The following SH3RF1 variants were observed in gnomAD, a reference collection of about 807,000 sequenced individuals.
SH3RF1 encodes E3 ubiquitin-protein ligase SH3RF1.
SH3RF1 carries 32 observed loss-of-function variants against 74.0 expected under a neutral mutation model. That is an observed-to-expected ratio of 0.43 (90% CI 0.33 to 0.58). The LOEUF is 0.58. Ranked by LOEUF, SH3RF1 falls within the 20% of genes least tolerant of loss-of-function variation. The pLI is 0.05. For missense variants in SH3RF1, 954 were observed against 1,130.9 expected, an observed-to-expected ratio of 0.84 and a Z score of 2.24; for synonymous variants, 396 against 439.6, an observed-to-expected ratio of 0.90 and a Z score of 1.24.
intron 2 of SH3RF1, among the ~76,000 whole-genome samples, chr4:169,172,088 G>C (rs1350013783): frequency 6.6e-6 from 1 of 152,196 alleles, no homozygotes; most frequent in African/African-American, 2.4e-5. Flanking sequence ...AGGAAGGTGG[G>C]AGGTAGAAGT....
intron 2 of SH3RF1, among the ~76,000 whole-genome samples, chr4:169,235,851 T>C (rs1272963486): frequency 6.6e-6 from 1 of 152,086 alleles, no homozygotes; most frequent in East Asian, 1.9e-4. Flanking sequence ...TGGCTACTTT[T>C]TGTGTTTTTA....
chr4:169,142,144 T>G (rs1265442836), intron 4 of SH3RF1, among the ~76,000 whole-genome samples: 1 of 151,704 alleles, frequency 6.6e-6, no homozygotes, highest in South Asian at 2.1e-4. Context: ...TTAGTAGAGA[T>G]GGGGTTTCAC....
At chr4:169,226,976 G>A (rs767045761) in intron 2 of SH3RF1, among the ~76,000 whole-genome samples, 6 of 152,060 alleles carry the variant, frequency 3.9e-5, no homozygotes, top group Non-Finnish European at 7.4e-5. Flanking sequence ...AGACCACCCT[G>A]GTCAACATAA....
chr4:169,105,269 C>T (rs1190559571), intron 11 of SH3RF1, among the ~76,000 whole-genome samples: 1 of 152,092 alleles, frequency 6.6e-6, no homozygotes, highest in Admixed American at 6.5e-5. Context: ...AAGACAAATA[C>T]TATATATTTA....
At chr4:169,179,971 G>A (rs1284302319) in intron 2 of SH3RF1, among the ~76,000 whole-genome samples, 1 of 152,142 alleles carries the variant, frequency 6.6e-6, no homozygotes, top group Non-Finnish European at 1.5e-5. Context: ...AAGCTTTCTT[G>A]GAGGAAGGTG....
At chr4:169,156,703 A>G in intron 2 of SH3RF1, 24 bp from the exon 3 acceptor site, 1 of 1,544,950 alleles carries the variant, frequency 6.5e-7, no homozygotes, top group Non-Finnish European at 8.7e-7. Context: ...AGAGGGATGA[A>G]TTTTAATAAA....
intron 4 of SH3RF1, among the ~76,000 whole-genome samples, chr4:169,145,003 AACG>A (rs1014041101): frequency 1.8e-4 from 27 of 152,144 alleles, no homozygotes; most frequent in African/African-American, 6.3e-4. Flanking sequence ...CCATCCAACC[AACG>A]ACCCAGAAAT....
intron 2 of SH3RF1, among the ~76,000 whole-genome samples, chr4:169,179,036 A>T (rs542738773): frequency 6.6e-6 from 1 of 152,284 alleles, no homozygotes; most frequent in South Asian, 2.1e-4. Context: ...ACCACACCCC[A>T]ATCCCTGAAC....
At chr4:169,253,382 A>G (rs1169343512) in intron 2 of SH3RF1, among the ~76,000 whole-genome samples, 1 of 152,218 alleles carries the variant, frequency 6.6e-6, no homozygotes, top group Non-Finnish European at 1.5e-5. Context: ...AATTGTTGAT[A>G]CATTAACAAT....
intron 6 of SH3RF1, among the ~76,000 whole-genome samples, chr4:169,126,468 C>T (rs888932518): frequency 6.6e-6 from 1 of 152,208 alleles, no homozygotes; most frequent in Non-Finnish European, 1.5e-5. Context: ...CTGAACCCAC[C>T]AACAACAGTA....
At chr4:169,205,511 G>A (rs1300237736) in intron 2 of SH3RF1, among the ~76,000 whole-genome samples, 2 of 152,102 alleles carry the variant, frequency 1.3e-5, no homozygotes, top group African/African-American at 4.8e-5. Context: ...CAATTTCCAG[G>A]CATGTCAACA....
chr4:169,269,330 GA>G, intron 1 of SH3RF1, 23 bp from the exon 2 acceptor site: 5 of 1,122,540 alleles, frequency 4.5e-6, no homozygotes, highest in Non-Finnish European at 6.1e-6. Context: ...GGAAAAGGGG[GA>G]AAAGAGAACA....
At chr4:169,173,067 C>T (rs977952951) in intron 2 of SH3RF1, among the ~76,000 whole-genome samples, 6 of 152,010 alleles carry the variant, frequency 3.9e-5, no homozygotes, top group Non-Finnish European at 5.9e-5. Context: ...TTAAGATATA[C>T]AAAGAGGAGT....
At chr4:169,258,570 G>A (rs536198179) in intron 2 of SH3RF1, among the ~76,000 whole-genome samples, 27 of 152,196 alleles carry the variant, frequency 1.8e-4, no homozygotes, top group African/African-American at 6.5e-4. Flanking sequence ...TTCAACTGTG[G>A]CAGAAAAAAA....
rs148040332 is a variant in SH3RF1 at position 169,131,171 on chromosome 4, G to A, written c.1069-1015C>T. 4.3e-3 allele frequency among the ~76,000 whole-genome samples: 659 copies of A among 152,242 alleles called. 6 individuals carry two copies. Among genetic ancestry groups the A allele is most frequent in the African/African-American group, 0.015 (630 of 41,524 alleles). ...TTCAGTTTCCCACTGGGGTAGGCCC[G>A]ACCAAAGCCAGGCATAATCAGCATC... is the stretch of plus-strand genomic sequence containing the variant. On this transcript the variant is annotated intron_variant, in intron 5 of 11. Transcript: ENST00000284637.
intron 2 of SH3RF1, among the ~76,000 whole-genome samples, chr4:169,216,301 A>C (rs1223958964): frequency 1.3e-5 from 2 of 152,190 alleles, no homozygotes; most frequent in African/African-American, 4.8e-5. Context: ...TGGAAATTAT[A>C]ATGTTTTAGA....
intron 4 of SH3RF1, among the ~76,000 whole-genome samples, chr4:169,147,147 C>T (rs145914591): frequency 2.0e-5 from 3 of 152,228 alleles, no homozygotes; most frequent in Non-Finnish European, 4.4e-5. Context: ...TCTGACAATA[C>T]ATGAAGTTTT....
intron 2 of SH3RF1, among the ~76,000 whole-genome samples, chr4:169,223,273 T>C (rs953032637): frequency 4.6e-5 from 7 of 152,092 alleles, no homozygotes; most frequent in African/African-American, 1.2e-4. Flanking sequence ...GATAGAAATA[T>C]AAGCCACCAC....
chr4:169,118,448 ATAT>A (rs1170009460), intron 8 of SH3RF1, among the ~76,000 whole-genome samples: 1 of 152,028 alleles, frequency 6.6e-6, no homozygotes, highest in Non-Finnish European at 1.5e-5. Flanking sequence ...AAAATGTGGT[ATAT>A]TATTATTAGT....
Sources: allele counts gnomAD v4.1 joint callset (sites outside exome capture counted in the v4.1 genomes callset), GRCh38; gene constraint gnomAD v4.1.1; transcripts MANE v1.5; gene names NCBI Gene and HGNC (gene_info 2026-07-23, HGNC 2026-07-21).